The following PEX13 variants were observed in gnomAD, a reference collection of about 807,000 sequenced individuals.
PEX13 encodes the protein peroxisome biogenesis factor 13.
A neutral mutation model predicts 34.5 loss-of-function variants in PEX13; 28 were observed. That is an observed-to-expected ratio of 0.81 (90% CI 0.60 to 1.11). The LOEUF (loss-of-function observed/expected upper bound fraction) is 1.11, where lower values mean the gene tolerates loss of function less well. Among genes scored for constraint, PEX13 ranks in the 50% most tolerant of loss-of-function variants. The pLI is 0.00. For missense variants in PEX13, 550 were observed against 491.0 expected (o/e 1.12, Z -1.13); for synonymous variants, 177 against 175.1 (o/e 1.01, Z -0.09).
At chr2:61,031,290 T>C in intron 1 of PEX13, 129 bp from the exon 2 acceptor site, 1 of 758,504 alleles carries the variant, frequency 1.3e-6, no homozygotes, top group Non-Finnish European at 2.3e-6. Flanking sequence ...AGACCCTGTC[T>C]CTAAATCAAT....
At chr2:61,040,777 C>A (rs1434829339) in intron 2 of PEX13, among the ~76,000 whole-genome samples, 4 of 142,444 alleles carry the variant, frequency 2.8e-5, no homozygotes, top group African/African-American at 5.2e-5. Flanking sequence ...ATATATATAC[C>A]TATATATTAA....
chr2:61,045,774 C>A lies in PEX13; in HGVS notation c.836C>A (p.Ala279Glu), dbSNP rs376737542. The A allele has an allele frequency of 1.2e-6, 2 of 1,612,672 alleles. No individual in the cohort carries two copies. Among genetic ancestry groups the A allele is most frequent in the Admixed American group, 1.7e-5 (1 of 60,016 alleles). ...GAGGATGACCATGTAGTTGCCAGAG[C>A]AGAATATGATTTTGCTGCCGTATCT... ...SGEDDHVVAR[A>E]EYDFAAVSEE... The change falls in exon 3 of 4, where the codon GCA (alanine) becomes GAA (glutamate). Residue 279 changes from alanine to glutamate, a missense_variant. Ala to Glu is a moderately radical substitution (Grantham distance 107). Coordinates refer to ENST00000295030, the MANE Select transcript of PEX13 (RefSeq NM_002618.4).
At chr2:61,031,312 C>A in intron 1 of PEX13, 107 bp from the exon 2 acceptor site, 1 of 815,610 alleles carries the variant, frequency 1.2e-6, no homozygotes, top group Non-Finnish European at 2.1e-6. Context: ...AATCAGTCTT[C>A]AGTAGAATTT....
intron 2 of PEX13, among the ~76,000 whole-genome samples, chr2:61,042,691 C>T (rs1000412409): frequency 1.3e-5 from 2 of 152,062 alleles, no homozygotes; most frequent in African/African-American, 4.8e-5. Context: ...AATGAGGCTG[C>T]AACCAAAATA....
At chr2:61,044,096 C>G (rs192926011) in intron 2 of PEX13, among the ~76,000 whole-genome samples, 2 of 152,138 alleles carry the variant, frequency 1.3e-5, no homozygotes, top group East Asian at 3.9e-4. Context: ...ACTAGAAGTA[C>G]ACACCACCAC....
chr2:61,035,878 G>A (rs1680526598), intron 2 of PEX13, among the ~76,000 whole-genome samples: 1 of 151,956 alleles, frequency 6.6e-6, no homozygotes, highest in Non-Finnish European at 1.5e-5. Context: ...AGCTACTAGG[G>A]AGGCTGAGGC....
At chr2:61,025,173 A>G (rs1046903079) in intron 1 of PEX13, among the ~76,000 whole-genome samples, 5 of 151,402 alleles carry the variant, frequency 3.3e-5, no homozygotes, top group Non-Finnish European at 5.9e-5. Context: ...GGTTCAAGCA[A>G]TTCTCCTGCC....
At chr2:61,030,986 A>G (rs1470355855) in intron 1 of PEX13, among the ~76,000 whole-genome samples, 3 of 151,756 alleles carry the variant, frequency 2.0e-5, no homozygotes, top group Non-Finnish European at 4.4e-5. Context: ...AAAACCTATT[A>G]AATTTTAAAC....
chr2:61,047,256 A>T (rs1469720985), intron 3 of PEX13, among the ~76,000 whole-genome samples: 3 of 152,090 alleles, frequency 2.0e-5, no homozygotes, highest in African/African-American at 7.2e-5. Flanking sequence ...CCCGGGTTCA[A>T]GTGATTCTCC....
Position 61,045,835 on chromosome 2 carries a change from G to A in PEX13, c.897G>A (p.Leu299=). 1 of 1,612,604 alleles carries A rather than the reference G, an allele frequency of 6.2e-7. No homozygotes were observed. Among genetic ancestry groups the A allele is most frequent in the Non-Finnish European group, 8.5e-7 (1 of 1,178,708 alleles). The part of the protein sequence containing the change: ...EEISFRAGDM[L]NLALKEQQPK... Reference sequence around the variant, plus strand: ...TTTCTTTCCGGGCTGGTGATATGCTGAACTTAGCTCTCAAAGGTAATAAAT... The same window carrying A: ...TTTCTTTCCGGGCTGGTGATATGCTAAACTTAGCTCTCAAAGGTAATAAAT... Residue 299 remains leucine, a synonymous_variant, in exon 3 of 4, where the codon CTG becomes CTA. Transcript: ENST00000295030.
chr2:61,036,537 CGAA>C (rs1352959646), intron 2 of PEX13, among the ~76,000 whole-genome samples: 1 of 152,086 alleles, frequency 6.6e-6, no homozygotes, highest in East Asian at 1.9e-4. Context: ...GCTTCATAAG[CGAA>C]GGAGAAATAA....
At chr2:61,045,872 TG>T in intron 3 of PEX13, 21 bp downstream of exon 3, 3 of 1,584,112 alleles carry the variant, frequency 1.9e-6, no homozygotes, top group Non-Finnish European at 2.6e-6. Context: ...ATGAATAAGT[TG>T]GAATTATCTG....
At chr2:61,037,460 A>T (rs1394990736) in intron 2 of PEX13, among the ~76,000 whole-genome samples, 2 of 152,238 alleles carry the variant, frequency 1.3e-5, no homozygotes, top group African/African-American at 4.8e-5. Flanking sequence ...CTCAGGATTA[A>T]TAAACACTCA....
intron 1 of PEX13, among the ~76,000 whole-genome samples, chr2:61,027,196 G>A (rs1423200430): frequency 6.6e-6 from 1 of 150,924 alleles, no homozygotes; most frequent in African/African-American, 2.4e-5. Context: ...AAAAAAGGCA[G>A]GCATGGTGGT....
At position 61,023,432 on chromosome 2, in the gene PEX13, T is replaced by TA. The variant is rs1351882890; in HGVS notation, c.92+5581_92+5582insA. 7.8e-3 allele frequency among the ~76,000 whole-genome samples: 1,160 copies of TA among 149,114 alleles called. 12 individuals carry two copies. Among genetic ancestry groups the TA allele is most frequent in the African/African-American group, 0.027 (1,074 of 40,160 alleles). ...ACACACACACACACACACACACATA[T>TA]TTTTTTTTTCTTCCTGCTTAGTATC... On this transcript the variant is annotated intron_variant, in intron 1 of 3. Coordinates refer to ENST00000295030, the MANE Select transcript of PEX13 (RefSeq NM_002618.4).
rs533963774 is a variant in PEX13 at position 61,051,987 on chromosome 2, T to A, written c.*3217T>A. On this transcript the variant is annotated 3_prime_UTR_variant, in exon 4 of 4. Coordinates refer to ENST00000295030, the MANE Select transcript of PEX13 (RefSeq NM_002618.4). ...CTGGAGAAATAAAAATATGTTAAAC[T>A]TGATTGACTTTTTAAGATAAATTGT... 3.9e-5 allele frequency: 6 copies of A among 152,498 alleles called. No individual in the cohort carries two copies. The highest frequency in any genetic ancestry group is 3.3e-4 in the Admixed American group (5 of 15,300). 9.4% of individuals were successfully genotyped at this position (152,498 alleles called of 1,614,324 possible).
At chr2:61,037,313 A>G (rs1015374215) in intron 2 of PEX13, among the ~76,000 whole-genome samples, 4 of 152,246 alleles carry the variant, frequency 2.6e-5, no homozygotes, top group South Asian at 2.1e-4. Flanking sequence ...TCAACAGAGT[A>G]TACATTCTTC....
At position 61,048,713 on chromosome 2, in the gene PEX13, T is replaced by G; in HGVS notation, c.1155T>G (p.Asn385Lys). 1.2e-6 allele frequency: 2 copies of G among 1,614,026 alleles called. No individual in the cohort carries two copies. The highest frequency in any genetic ancestry group is 1.7e-6 in the Non-Finnish European group (2 of 1,179,866). Residue 385 changes from asparagine to lysine, a missense_variant, in exon 4 of 4, where the codon AAT (asparagine) becomes AAG (lysine). By Grantham distance (94) the Asn-to-Lys change is moderately conservative (BLOSUM62 0). Transcript: ENST00000295030. The part of the protein sequence containing the change: ...AAFESVFVET[N>K]KVPVAPDSIG... ...TTGAATCTGTTTTTGTTGAAACTAA[T>G]AAGGTTCCAGTTGCACCTGATTCCA...
At position 61,048,645 on chromosome 2, in the gene PEX13, GGAGCCACGGTT is replaced by G; in HGVS notation, c.1089_1099del (p.Ala364Ter). On this transcript the variant is annotated frameshift_variant, in exon 4 of 4. Transcript: ENST00000295030. LOFTEE classifies it high-confidence loss of function. ...TTTTACCAACCCAACACTAACTAAAGGAGCCACGGTTGCTGATTCTTTGGATGAACAGGAAG... is the reference window on the plus strand; with the variant it reads ...TTTTACCAACCCAACACTAACTAAAGGCTGATTCTTTGGATGAACAGGAAG... 1 of 1,614,070 alleles carries G rather than the reference GGAGCCACGGTT, an allele frequency of 6.2e-7. No individual in the cohort carries two copies. The highest frequency in any genetic ancestry group is 1.1e-5 in the South Asian group (1 of 91,086).
Sources: gnomAD v4.1 joint callset for allele counts (sites outside exome capture counted in the v4.1 genomes callset) on GRCh38, gnomAD v4.1.1 for gene constraint, MANE v1.5 for transcripts, NCBI Gene and HGNC (gene_info 2026-07-23, HGNC 2026-07-21) for gene names.